Variants in PIAS2 observed in about 807,000 individuals in gnomAD.
PIAS2 encodes protein inhibitor of activated STAT 2.
A neutral mutation model predicts 69.7 loss-of-function variants in PIAS2; 19 were observed. The observed-to-expected ratio is 0.27, with a 90% CI of 0.19 to 0.40. The LOEUF is 0.40. PIAS2 is among the 10% of genes least tolerant of loss of function. PIAS2 has a pLI of 1.00. For synonymous variants in PIAS2, 261 were observed against 263.2 expected (o/e 0.99, Z 0.08); for missense variants, 624 against 757.0 (o/e 0.82, Z 2.06).
chr18:46,889,432 A>C (rs1452605939), intron 2 of PIAS2, among the ~76,000 whole-genome samples: 10 of 152,212 alleles, frequency 6.6e-5, no homozygotes, highest in Admixed American at 6.5e-4. Flanking sequence ...AGACTTGGCT[A>C]TACATTTCTT....
intron 2 of PIAS2, among the ~76,000 whole-genome samples, chr18:46,884,761 T>C (rs111688438): frequency 0.077 from 11,679 of 151,868 alleles, 485 homozygotes; most frequent in African/African-American, 0.1. Flanking sequence ...ACTAAAAATA[T>C]AATAAATTAG....
chr18:46,871,125 T>C (rs559111114), intron 2 of PIAS2, among the ~76,000 whole-genome samples: 66 of 152,326 alleles, frequency 4.3e-4, no homozygotes, highest in African/African-American at 1.5e-3. Context: ...TTATGAACAG[T>C]TGGCCAGATA....
chr18:46,914,634 T>C (rs2057618642), intron 1 of PIAS2, among the ~76,000 whole-genome samples: 1 of 142,202 alleles, frequency 7.0e-6, no homozygotes, highest in African/African-American at 2.6e-5. Flanking sequence ...CACTGAGGAT[T>C]ACCTTTCCCA....
At chr18:46,864,430 C>T (rs2049119478) in intron 2 of PIAS2, among the ~76,000 whole-genome samples, 182 bp from the exon 3 acceptor site, 1 of 152,124 alleles carries the variant, frequency 6.6e-6, no homozygotes, top group African/African-American at 2.4e-5. Flanking sequence ...AAAGTCACTA[C>T]AAAGGGGTTT....
intron 9 of PIAS2, among the ~76,000 whole-genome samples, chr18:46,834,883 G>C (rs1040377819): frequency 6.6e-6 from 1 of 152,114 alleles, no homozygotes; most frequent in Non-Finnish European, 1.5e-5. Context: ...TTTACTAGAA[G>C]GGAAAAATAG....
chr18:46,837,954 A>C (rs1034014242), intron 8 of PIAS2, among the ~76,000 whole-genome samples: 3 of 152,250 alleles, frequency 2.0e-5, no homozygotes, highest in African/African-American at 7.2e-5. Context: ...TTGACCAGAT[A>C]GGAGAATGAA....
intron 2 of PIAS2, among the ~76,000 whole-genome samples, chr18:46,880,277 G>A (rs1029516060): frequency 6.6e-6 from 1 of 152,044 alleles, no homozygotes; most frequent in African/African-American, 2.4e-5. Context: ...GCACACCTGT[G>A]GTCCCAGCTA....
intron 5 of PIAS2, among the ~76,000 whole-genome samples, chr18:46,848,523 C>G (rs1490181025): frequency 6.6e-6 from 1 of 152,138 alleles, no homozygotes; most frequent in African/African-American, 2.4e-5. Context: ...CCAATGAAAA[C>G]TAGTACTGGT....
At chr18:46,893,055 C>T (rs2146025248) in intron 1 of PIAS2, among the ~76,000 whole-genome samples, 2 of 152,228 alleles carry the variant, frequency 1.3e-5, no homozygotes, top group East Asian at 3.9e-4. Context: ...TCTAATAGAA[C>T]ACATACCACA....
At position 46,836,413 on chromosome 18, in the gene PIAS2, G is replaced by A. The variant is rs995260298; in HGVS notation, c.1146C>T (p.Thr382=). The change falls in exon 9 of 14, where the codon ACC becomes ACT. Residue 382 remains threonine, a synonymous_variant. Coordinates refer to ENST00000585916, the MANE Select transcript of PIAS2 (RefSeq NM_004671.5). ...LYLQMNEKKP[T]WICPVCDKKA... is the part of the protein sequence containing the mutation. Reference sequence around the variant, plus strand: ...TTTTGTCACACACAGGACAAATCCAGGTGGGCTTTTTCTCATTCATTTGTA... The same window carrying A: ...TTTTGTCACACACAGGACAAATCCAAGTGGGCTTTTTCTCATTCATTTGTA... The A allele has an allele frequency of 6.2e-7, 1 of 1,614,020 alleles. No individual in the cohort carries two copies. The highest frequency in any genetic ancestry group is 1.7e-5 in the Admixed American group (1 of 60,018).
intron 2 of PIAS2, among the ~76,000 whole-genome samples, chr18:46,869,438 A>G (rs1403005775): frequency 4.6e-5 from 7 of 151,788 alleles, no homozygotes; most frequent in Non-Finnish European, 1.0e-4. Context: ...ATTGAGCCTC[A>G]GCAAGCCTCT....
intron 9 of PIAS2, among the ~76,000 whole-genome samples, chr18:46,830,613 GAACAA>G (rs900086840): frequency 6.6e-5 from 10 of 151,452 alleles, no homozygotes; most frequent in African/African-American, 1.9e-4. Flanking sequence ...AAATAACAAA[GAACAA>G]AACAAACAAA....
Position 46,855,592 on chromosome 18 carries a change from C to T in PIAS2, c.608G>A (p.Arg203Lys), listed in dbSNP as rs746384718. 1 of 1,613,658 alleles carries T rather than the reference C, an allele frequency of 6.2e-7. No individual in the cohort carries two copies. Among genetic ancestry groups the T allele is most frequent in the Non-Finnish European group, 8.5e-7 (1 of 1,179,702 alleles). ...CAACTGAACTTGGACTGTATAATCT[C>T]TCCTACCACCTGGCAAAAAATCCCT... ...ISRDFLPGGR[R>K]DYTVQVQLRL... is the part of the protein sequence containing the mutation. The change falls in exon 4 of 14, where the codon AGA becomes AAA. Residue 203 changes from arginine to lysine, a missense_variant. Around this residue, in one of 3 missense-constraint regions of PIAS2, gnomAD observed 339 missense variants for 408.8 expected, o/e 0.83. Coordinates refer to ENST00000585916, the MANE Select transcript of PIAS2 (RefSeq NM_004671.5).
intron 2 of PIAS2, among the ~76,000 whole-genome samples, chr18:46,877,579 G>A (rs1180023704): frequency 6.6e-6 from 1 of 152,094 alleles, no homozygotes; most frequent in African/African-American, 2.4e-5. Flanking sequence ...AACACGTCTT[G>A]TACCGTAACA....
Position 46,828,150 on chromosome 18 carries a change from A to AG in PIAS2, c.1337-21dup. The AG allele has an allele frequency of 1.9e-6, 3 of 1,580,698 alleles. No individual in the cohort carries two copies. The highest frequency in any genetic ancestry group is 8.6e-7 in the Non-Finnish European group (1 of 1,166,340). Reference sequence around the variant, plus strand: ...TTGAACCTGCATGTAAAGAAACAAAAGGAAAAAAAAATTAAAGGTATAACA... The same window carrying AG: ...TTGAACCTGCATGTAAAGAAACAAAAGGGAAAAAAAAATTAAAGGTATAACA... On this transcript the variant is annotated intron_variant, in intron 10 of 13. Coordinates refer to ENST00000585916, the MANE Select transcript of PIAS2 (RefSeq NM_004671.5).
chr18:46,815,102 A>G (rs1196537903), intron 13 of PIAS2, among the ~76,000 whole-genome samples: 1 of 152,216 alleles, frequency 6.6e-6, no homozygotes, highest in Non-Finnish European at 1.5e-5. Flanking sequence ...AACAGAATTT[A>G]AAATTTAGAT....
At chr18:46,891,735 A>G (rs1483053947) in intron 1 of PIAS2, 1 of 546,180 alleles carries the variant, frequency 1.8e-6, no homozygotes, top group Non-Finnish European at 2.3e-6. Context: ...GGAAATGAGC[A>G]GTCATCAATC....
chr18:46,825,858 A>C (rs1357878879), intron 11 of PIAS2, among the ~76,000 whole-genome samples: 2 of 152,248 alleles, frequency 1.3e-5, no homozygotes, highest in African/African-American at 4.8e-5. Context: ...CCTTATGACG[A>C]GATCCATCTT....
intron 2 of PIAS2, among the ~76,000 whole-genome samples, chr18:46,873,053 C>G (rs2050615751): frequency 6.6e-6 from 1 of 152,160 alleles, no homozygotes; most frequent in African/African-American, 2.4e-5. Flanking sequence ...AGTTTTTGAC[C>G]CAGTAACCTG....
Sources: allele counts gnomAD v4.1 joint callset (sites outside exome capture counted in the v4.1 genomes callset), GRCh38; gene constraint gnomAD v4.1.1; regional missense constraint gnomAD v4.1.1; transcripts MANE v1.5; gene names NCBI Gene and HGNC (gene_info 2026-07-23, HGNC 2026-07-21).